KIFC3: variants seen among roughly 807,000 people sequenced by gnomAD.
The protein encoded by KIFC3 is kinesin family member C3, also known as kinesin-like protein KIFC3.
A neutral mutation model predicts 101.8 loss-of-function variants in KIFC3; 60 were observed. The ratio of observed to expected loss-of-function variants is 0.59; its 90% CI spans 0.48 to 0.73. The LOEUF (loss-of-function observed/expected upper bound fraction) is 0.73. Ranked by LOEUF, KIFC3 falls within the 30% of genes least tolerant of loss-of-function variation. The pLI, the probability that KIFC3 is intolerant of heterozygous loss-of-function variation, is 0.00. For missense variants in KIFC3, 966 were observed against 1,137.1 expected (o/e 0.85, Z 2.16); for synonymous variants, 476 against 482.7 (o/e 0.99, Z 0.18).
intron 1 of KIFC3, chr16:57,816,088 G>T: frequency 1.3e-6 from 1 of 746,290 alleles, no homozygotes; most frequent in Non-Finnish European, 1.9e-6. Context: ...CCCACAGGAA[G>T]GATGTGGTCA....
In KIFC3 at chr16:57,839,760, G is replaced by A. The variant is rs756994422; in HGVS notation, c.108+22969C>T. Among the ~76,000 whole-genome samples the A allele has an allele frequency of 4.2e-4, 64 of 151,938 alleles. 1 individual carries two copies. Among genetic ancestry groups the A allele is most frequent in the South Asian group, 8.3e-4 (4 of 4,814 alleles). ...TTCTTTACATTTGAATGTAATAAAC[G>A]TGTCAGGTTTATTTATCTGAACTTA... On this transcript the variant is annotated intron_variant, in intron 1 of 2. Transcript: ENST00000563028.
Position 57,769,461 on chromosome 16 carries a change from G to A in KIFC3, c.1218+134C>T, listed in dbSNP as rs2050881555. On this transcript the variant is annotated intron_variant, in intron 9 of 19. Transcript: ENST00000445690. This position sits in a 1 kb window ranked among gnomAD's most constrained non-coding sequence, Gnocchi z 4.3. ...AGGGCCTATAAGGGCAGCAGTAAGTGTCATGGGGGGTGGGGCAGGGGCTGC... is the reference window on the plus strand; with the variant it reads ...AGGGCCTATAAGGGCAGCAGTAAGTATCATGGGGGGTGGGGCAGGGGCTGC... The A allele has an allele frequency of 9.0e-7, 1 of 1,116,072 alleles. No homozygotes were observed. The highest frequency in any genetic ancestry group is 2.5e-5 in the East Asian group (1 of 40,254). The allele number at this position is 1,116,072 out of a possible 1,614,324, so 69.1% of individuals were successfully genotyped here.
intron 1 of KIFC3, among the ~76,000 whole-genome samples, chr16:57,860,572 G>A (rs1299316205): frequency 6.6e-6 from 1 of 152,106 alleles, no homozygotes. Context: ...CCCAAGAGTG[G>A]GCTCTTAGAT....
chr16:57,824,678 G>A (rs1438445733), intron 1 of KIFC3, among the ~76,000 whole-genome samples: 1 of 152,160 alleles, frequency 6.6e-6, no homozygotes, highest in African/African-American at 2.4e-5. Context: ...GCAAGACGCT[G>A]TCTCAAAGAA....
chr16:57,762,107 T>C (rs782147201), intron 13 of KIFC3, 33 bp downstream of exon 13: 2 of 1,554,018 alleles, frequency 1.3e-6, no homozygotes, highest in Non-Finnish European at 1.7e-6. Context: ...AAGCTGCCCC[T>C]GAGGCCTGCT....
At chr16:57,837,174 C>G (rs2055703051) in intron 1 of KIFC3, among the ~76,000 whole-genome samples, 1 of 152,046 alleles carries the variant, frequency 6.6e-6, no homozygotes, top group Non-Finnish European at 1.5e-5. Context: ...ACATCACTGA[C>G]AATGTAGCAG....
chr16:57,833,329 G>C (rs1473854747), intron 1 of KIFC3, among the ~76,000 whole-genome samples: 7 of 152,214 alleles, frequency 4.6e-5, no homozygotes, highest in African/African-American at 1.7e-4. Context: ...CCAAAGGGAA[G>C]CTTGGGGGCC....
chr16:57,817,417 C>A (rs1366668349), intron 1 of KIFC3, among the ~76,000 whole-genome samples: 1 of 151,990 alleles, frequency 6.6e-6, no homozygotes, highest in Non-Finnish European at 1.5e-5. Flanking sequence ...TATTCTCTTA[C>A]AGCTCTAGAG....
At chr16:57,818,782 A>T (rs1555629386) in intron 1 of KIFC3, among the ~76,000 whole-genome samples, 2 of 152,216 alleles carry the variant, frequency 1.3e-5, no homozygotes, top group African/African-American at 4.8e-5. Flanking sequence ...CAGCGTGGTC[A>T]ATGCCATTGC....
chr16:57,818,583 A>G (rs1182384173), intron 1 of KIFC3, among the ~76,000 whole-genome samples: 2 of 152,012 alleles, frequency 1.3e-5, no homozygotes, highest in African/African-American at 2.4e-5. Flanking sequence ...TCTGGTCTCA[A>G]ACTCCTGGGC....
At chr16:57,784,441 A>C (rs1406568847) in intron 3 of KIFC3, among the ~76,000 whole-genome samples, 1 of 152,250 alleles carries the variant, frequency 6.6e-6, no homozygotes, top group Non-Finnish European at 1.5e-5. Context: ...TGTAAGCTGG[A>C]AGAAATGCTG....
intron 1 of KIFC3, among the ~76,000 whole-genome samples, chr16:57,800,837 A>ATGG (rs2054676579): frequency 6.6e-6 from 1 of 152,150 alleles, no homozygotes; most frequent in African/African-American, 2.4e-5. Context: ...TCTCATTTAC[A>ATGG]TGGGCATCTG....
intron 1 of KIFC3, among the ~76,000 whole-genome samples, chr16:57,839,089 A>G (rs2149308408): frequency 6.6e-6 from 1 of 151,952 alleles, no homozygotes; most frequent in East Asian, 1.9e-4. Flanking sequence ...GCACTTGGGG[A>G]GGCCGAAGTG....
At position 57,813,260 on chromosome 16, in the gene KIFC3, G is replaced by A. The variant is rs564427376; in HGVS notation, c.109-14978C>T. 3.9e-5 allele frequency among the ~76,000 whole-genome samples: 6 copies of A among 152,120 alleles called. No individual in the cohort carries two copies. The South Asian group carries it at 8.3e-4, about 21-fold the overall frequency. ...GGCGAATCACTTGAACTCGGGATGC[G>A]GAGGTTGCAGTGAGCCGAGATTGCG... On this transcript the variant is annotated intron_variant, in intron 1 of 2. Coordinates refer to the KIFC3 transcript ENST00000563028.
At chr16:57,782,819 G>A (rs1002798629) in intron 3 of KIFC3, among the ~76,000 whole-genome samples, 1 of 152,232 alleles carries the variant, frequency 6.6e-6, no homozygotes, top group Non-Finnish European at 1.5e-5. Flanking sequence ...GGTAGTGAAT[G>A]CCTGTAATCC....
chr16:57,767,549 C>A (rs1446436549), intron 9 of KIFC3, among the ~76,000 whole-genome samples: 1 of 152,158 alleles, frequency 6.6e-6, no homozygotes, highest in East Asian at 1.9e-4. Flanking sequence ...CCCTTAGTAA[C>A]CGTGGAGGAT....
chr16:57,818,017 T>TC (rs1369394966), intron 1 of KIFC3, among the ~76,000 whole-genome samples: 30 of 151,334 alleles, frequency 2.0e-4, no homozygotes, highest in African/African-American at 5.8e-4. Context: ...TTTCTTTCTT[T>TC]TTTTTTTTTT....
At chr16:57,761,290 G>A (rs1370251977) in intron 14 of KIFC3, 119 bp from the exon 15 acceptor site, 3 of 1,578,800 alleles carry the variant, frequency 1.9e-6, no homozygotes, top group Non-Finnish European at 2.6e-6. Context: ...AGGAAACTGA[G>A]GCTCAGAGAG....
Position 57,775,630 on chromosome 16 carries a change from C to T in KIFC3, c.316-3342G>A, listed in dbSNP as rs555788776. ...GACTGAGGGCCCTTCACACACTCAC[C>T]GCAGCTTCCAGCCAGCAAGGGCCGT... On this transcript the variant is annotated intron_variant, in intron 3 of 19. Transcript: ENST00000445690. The T allele has an allele frequency of 2.6e-5, 26 of 985,566 alleles. No homozygotes were observed. In the Admixed American group the frequency reaches 3.7e-4, roughly 14 times the overall value. The allele number at this position is 985,566 out of a possible 1,614,324, so 61.1% of individuals were successfully genotyped here. A position where few individuals can be genotyped will look rare whatever the true frequency, so the allele number is the denominator to read the frequency against.
Sources: gnomAD v4.1 joint callset for allele counts (sites outside exome capture counted in the v4.1 genomes callset) on GRCh38, gnomAD v4.1.1 for gene constraint, Gnocchi (gnomAD v3.1) non-coding constraint, MANE v1.5 for transcripts, NCBI Gene and HGNC (gene_info 2026-07-23, HGNC 2026-07-21) for gene names.